Variants in SNX9 observed in about 807,000 individuals in gnomAD.
SNX9 encodes the protein sorting nexin 9, also known as sorting nexin-9.
SNX9 carries 44 observed loss-of-function variants against 89.4 expected under a neutral mutation model. That is an observed-to-expected ratio of 0.49 (90% CI 0.39 to 0.63). The LOEUF (loss-of-function observed/expected upper bound fraction) is 0.63. Among genes scored for constraint, SNX9 ranks in the 30% least tolerant of loss-of-function variants. SNX9 has a pLI of 0.00. For missense variants in SNX9, 578 were observed against 736.1 expected (o/e 0.79, Z 2.49); for synonymous variants, 236 against 247.8 (o/e 0.95, Z 0.45).
intron 2 of SNX9, 93 bp downstream of exon 2, chr6:157,867,726 C>G: frequency 6.1e-6 from 6 of 976,414 alleles, no homozygotes; most frequent in Non-Finnish European, 8.7e-6. Context: ...TCTGATTGTC[C>G]CATGTGGACT....
intron 6 of SNX9, among the ~76,000 whole-genome samples, chr6:157,902,375 A>G (rs1177881477): frequency 6.6e-6 from 1 of 152,256 alleles, no homozygotes; most frequent in Non-Finnish European, 1.5e-5. Flanking sequence ...TAATAATAAC[A>G]ACTCTCTTTT....
chr6:157,880,052 C>T (rs1012104254), intron 4 of SNX9, among the ~76,000 whole-genome samples: 16 of 152,180 alleles, frequency 1.1e-4, no homozygotes, highest in African/African-American at 3.9e-4. Context: ...CCCTTCTGGC[C>T]TCTGTCACAT....
chr6:157,860,429 TA>T (rs1229704574), intron 1 of SNX9, among the ~76,000 whole-genome samples: 1 of 152,120 alleles, frequency 6.6e-6, no homozygotes, highest in Non-Finnish European at 1.5e-5. Context: ...AATATCCAAT[TA>T]AATTCAAGTT....
intron 10 of SNX9, among the ~76,000 whole-genome samples, chr6:157,926,183 TA>T (rs1783687853): frequency 1.3e-5 from 2 of 151,976 alleles, no homozygotes; most frequent in African/African-American, 4.8e-5. Context: ...ATGAAAACCA[TA>T]AGAGAGAGAT....
chr6:157,824,094 CTTTCGA>C (rs1781295883), intron 1 of SNX9, among the ~76,000 whole-genome samples: 1 of 152,246 alleles, frequency 6.6e-6, no homozygotes. Flanking sequence ...AATGACTGTG[CTTTCGA>C]TTACGTGTTT....
Position 157,937,534 on chromosome 6 carries a change from C to A in SNX9, c.1533+11C>A, listed in dbSNP as rs780185807. 13 of 1,602,348 alleles carry A rather than the reference C, an allele frequency of 8.1e-6. No individual in the cohort carries two copies. The highest frequency in any genetic ancestry group is 1.1e-5 in the South Asian group (1 of 90,724). The stretch of plus-strand genomic sequence containing the variant: ...ATTGGCACTCACAAGGTAACCTGAT[C>A]GTAGACATTTATAGAAGACAACAGC... On this transcript the variant is annotated intron_variant, in intron 15 of 17. Coordinates refer to ENST00000392185, the MANE Select transcript of SNX9 (RefSeq NM_016224.5).
At chr6:157,844,587 G>GTCTTTTTTTTTTTTT (rs1781763721) in intron 1 of SNX9, among the ~76,000 whole-genome samples, 1 of 130,298 alleles carries the variant, frequency 7.7e-6, no homozygotes, top group African/African-American at 3.0e-5. Flanking sequence ...GCTAATCCTT[G>GTCTTTTTTTTTTTTT]TTTTTTTTTT....
intron 7 of SNX9, among the ~76,000 whole-genome samples, chr6:157,908,762 A>C (rs1013960448): frequency 1.3e-5 from 2 of 152,116 alleles, no homozygotes; most frequent in African/African-American, 4.8e-5. Flanking sequence ...AGGTCTCTAC[A>C]CCCCCACATA....
At chr6:157,863,555 CTT>C (rs888275503) in intron 1 of SNX9, among the ~76,000 whole-genome samples, 1 of 152,148 alleles carries the variant, frequency 6.6e-6, no homozygotes, top group African/African-American at 2.4e-5. Flanking sequence ...AAATTTAGCT[CTT>C]AGAAATAGTT....
Position 157,901,896 on chromosome 6 carries a change from A to G in SNX9, c.473-2A>G, listed in dbSNP as rs768231782. 3 of 1,595,422 alleles carry G rather than the reference A, an allele frequency of 1.9e-6. No individual in the cohort carries two copies. Among genetic ancestry groups the G allele is most frequent in the Non-Finnish European group, 2.6e-6 (3 of 1,173,554 alleles). ...CTGATGATCTTCCATTTTCACCTCT[A>G]GCAACTGGTGATGATGATGACTGGG... On this transcript the variant is annotated splice_acceptor_variant, in intron 5 of 17. Coordinates refer to ENST00000392185, the MANE Select transcript of SNX9 (RefSeq NM_016224.5). LOFTEE classifies it high-confidence loss of function.
intron 12 of SNX9, among the ~76,000 whole-genome samples, chr6:157,930,443 C>G (rs925492948): frequency 8.5e-5 from 13 of 152,192 alleles, no homozygotes; most frequent in Admixed American, 5.9e-4. Flanking sequence ...ACGTTGTTCT[C>G]TAAAGCAGAG....
chr6:157,915,019 A>G (rs1458032350), intron 9 of SNX9, among the ~76,000 whole-genome samples: 1 of 152,050 alleles, frequency 6.6e-6, no homozygotes, highest in Non-Finnish European at 1.5e-5. Context: ...CGGGATATCC[A>G]GTGGGTCTCA....
At chr6:157,887,780 C>T (rs1294147305) in intron 4 of SNX9, among the ~76,000 whole-genome samples, 1 of 152,154 alleles carries the variant, frequency 6.6e-6, no homozygotes, top group African/African-American at 2.4e-5. Context: ...TTTCATCTCT[C>T]AGGTGAGAAT....
At chr6:157,895,803 G>A (rs891151230) in intron 4 of SNX9, among the ~76,000 whole-genome samples, 3 of 152,102 alleles carry the variant, frequency 2.0e-5, no homozygotes, top group Non-Finnish European at 2.9e-5. Flanking sequence ...CTAGGCCCCA[G>A]CAGACCAGGC....
At chr6:157,884,189 A>AT (rs1208943581) in intron 4 of SNX9, among the ~76,000 whole-genome samples, 3 of 152,154 alleles carry the variant, frequency 2.0e-5, no homozygotes, top group African/African-American at 7.2e-5. Flanking sequence ...TGGCATTGTT[A>AT]TTTTTTTAAA....
chr6:157,920,857 G>T (rs1783568376), intron 9 of SNX9, among the ~76,000 whole-genome samples: 1 of 152,114 alleles, frequency 6.6e-6, no homozygotes, highest in African/African-American at 2.4e-5. Context: ...AAAACAGAAA[G>T]GACCACTCAT....
intron 4 of SNX9, among the ~76,000 whole-genome samples, chr6:157,894,254 C>T (rs543826807): frequency 1.3e-5 from 2 of 150,762 alleles, no homozygotes; most frequent in South Asian, 2.1e-4. Flanking sequence ...GGATTACAGG[C>T]GCCCACCACT....
chr6:157,855,691 T>G (rs1262322348), intron 1 of SNX9, among the ~76,000 whole-genome samples: 1 of 152,202 alleles, frequency 6.6e-6, no homozygotes, highest in Non-Finnish European at 1.5e-5. Flanking sequence ...CTTTAGTCTG[T>G]GTTATGAATT....
At chr6:157,917,344 A>G (rs1783493325) in intron 9 of SNX9, among the ~76,000 whole-genome samples, 1 of 147,032 alleles carries the variant, frequency 6.8e-6, no homozygotes, top group Non-Finnish European at 1.5e-5. Flanking sequence ...TTTGGGTTTG[A>G]TTTATTCTTT....
Sources: gnomAD v4.1 joint callset for allele counts (sites outside exome capture counted in the v4.1 genomes callset) on GRCh38, gnomAD v4.1.1 for gene constraint, MANE v1.5 for transcripts, NCBI Gene and HGNC (gene_info 2026-07-23, HGNC 2026-07-21) for gene names.